The following FSTL5 variants were observed in gnomAD, a reference collection of about 807,000 sequenced individuals.
FSTL5 encodes follistatin like 5.
Under a neutral mutation model 89.1 loss-of-function variants are expected in FSTL5, and 62 were observed. That is an observed-to-expected ratio of 0.70 (90% confidence interval 0.57 to 0.86). FSTL5 has a LOEUF of 0.86. Ranked by LOEUF, FSTL5 falls within the 40% of genes least tolerant of loss-of-function variation. The pLI is 0.00. For synonymous variants in FSTL5, 383 were observed against 346.2 expected (o/e 1.11, Z -1.18); for missense variants, 1,057 against 1,001.6 (o/e 1.06, Z -0.75).
intron 2 of FSTL5, among the ~76,000 whole-genome samples, chr4:162,071,095 A>T (rs1409930330): frequency 6.6e-6 from 1 of 151,832 alleles, no homozygotes; most frequent in Non-Finnish European, 1.5e-5. Context: ...ACAACCAGAA[A>T]ACAATTAACA....
rs531428180 is a variant in FSTL5 at position 161,864,919 on chromosome 4, A to T, written c.409+55485T>A. ...TTAATGGTAGTGAATAATGAGTGCA[A>T]TTCTGACTGTATTATGTTTATAATG... On this transcript the variant is annotated intron_variant, in intron 4 of 15. Coordinates refer to ENST00000306100, the MANE Select transcript of FSTL5 (RefSeq NM_020116.5). 5.9e-5 allele frequency among the ~76,000 whole-genome samples: 9 copies of T among 151,268 alleles called. No individual in the cohort carries two copies. The South Asian group carries it at 1.7e-3, about 28-fold the overall frequency.
At chr4:161,850,079 G>A (rs1336001169) in intron 4 of FSTL5, among the ~76,000 whole-genome samples, 2 of 152,080 alleles carry the variant, frequency 1.3e-5, no homozygotes, top group Admixed American at 1.3e-4. Context: ...TACCCTTTGA[G>A]GCCTGGGGAA....
At chr4:161,812,700 C>G (rs767458346) in intron 4 of FSTL5, among the ~76,000 whole-genome samples, 30 of 151,842 alleles carry the variant, frequency 2.0e-4, no homozygotes, top group Non-Finnish European at 3.4e-4. Flanking sequence ...AAGGTGAATG[C>G]CAGTTTAGGA....
At chr4:161,725,441 C>A (rs1296426760) in intron 6 of FSTL5, among the ~76,000 whole-genome samples, 2 of 151,184 alleles carry the variant, frequency 1.3e-5, no homozygotes, top group Non-Finnish European at 2.9e-5. Flanking sequence ...ATAGTTAAAT[C>A]CAAATATAGA....
intron 15 of FSTL5, among the ~76,000 whole-genome samples, chr4:161,421,544 G>C (rs1320302647): frequency 1.3e-5 from 2 of 152,172 alleles, no homozygotes; most frequent in Non-Finnish European, 2.9e-5. Flanking sequence ...AAGTTGAAAA[G>C]GAGTGGACCT....
chr4:161,949,638 A>G (rs1177514375), intron 3 of FSTL5, among the ~76,000 whole-genome samples: 2 of 148,892 alleles, frequency 1.3e-5, no homozygotes, highest in Admixed American at 6.6e-5. Flanking sequence ...TGCAGATTTC[A>G]AACGTATTGT....
At chr4:162,070,219 T>C (rs990849865) in intron 2 of FSTL5, among the ~76,000 whole-genome samples, 6 of 151,918 alleles carry the variant, frequency 3.9e-5, no homozygotes, top group African/African-American at 1.4e-4. Context: ...TTGTTTGTTG[T>C]TTCTGTTAGA....
At chr4:161,908,954 C>G (rs1422458829) in intron 4 of FSTL5, among the ~76,000 whole-genome samples, 2 of 152,026 alleles carry the variant, frequency 1.3e-5, no homozygotes, top group African/African-American at 4.8e-5. Flanking sequence ...TGTCCTATGC[C>G]TACTTCAGTG....
chr4:161,440,322 A>C (rs1308371423), intron 15 of FSTL5, among the ~76,000 whole-genome samples: 3 of 152,004 alleles, frequency 2.0e-5, no homozygotes, highest in African/African-American at 7.2e-5. Flanking sequence ...ACTGTGTCCA[A>C]ACTTTTGGCT....
intron 2 of FSTL5, among the ~76,000 whole-genome samples, chr4:162,062,101 A>T (rs1738735823): frequency 6.6e-6 from 1 of 151,788 alleles, no homozygotes; most frequent in African/African-American, 2.4e-5. Context: ...CATGATGTCG[A>T]AATTTATATA....
chr4:161,986,389 A>C (rs1735964212), intron 3 of FSTL5, among the ~76,000 whole-genome samples: 1 of 152,152 alleles, frequency 6.6e-6, no homozygotes, highest in Non-Finnish European at 1.5e-5. Context: ...GTCTCTACTA[A>C]AAATATAAAA....
At chr4:162,086,414 G>A (rs899683379) in intron 2 of FSTL5, among the ~76,000 whole-genome samples, 5 of 148,922 alleles carry the variant, frequency 3.4e-5, no homozygotes, top group African/African-American at 2.5e-5. Context: ...TTATTTTCTC[G>A]ATTATGTCTT....
At chr4:161,573,733 C>CAAAAAAAAAAA (rs70937664) in intron 8 of FSTL5, among the ~76,000 whole-genome samples, 19 of 50,624 alleles carry the variant, frequency 3.8e-4, no homozygotes, top group African/African-American at 7.6e-4. Context: ...AACTCCAGCT[C>CAAAAAAAAAAA]AAAAAAAAAA....
chr4:161,966,684 A>G (rs1004312119), intron 3 of FSTL5, among the ~76,000 whole-genome samples: 6 of 152,138 alleles, frequency 3.9e-5, no homozygotes, highest in Non-Finnish European at 5.9e-5. Flanking sequence ...GGTCTGAAAC[A>G]GACCCTTCTC....
intron 6 of FSTL5, among the ~76,000 whole-genome samples, chr4:161,680,156 T>C (rs1369277606): frequency 6.6e-6 from 1 of 151,900 alleles, no homozygotes; most frequent in East Asian, 1.9e-4. Context: ...TAGAAGAAAA[T>C]AATATGCTAA....
At chr4:161,952,562 G>T (rs1026552567) in intron 3 of FSTL5, among the ~76,000 whole-genome samples, 15 of 151,898 alleles carry the variant, frequency 9.9e-5, no homozygotes, top group African/African-American at 2.9e-4. Flanking sequence ...AAGAAATCAT[G>T]TCTTATTTGG....
intron 4 of FSTL5, among the ~76,000 whole-genome samples, chr4:161,790,054 T>G (rs1729406464): frequency 6.6e-6 from 1 of 152,198 alleles, no homozygotes; most frequent in South Asian, 2.1e-4. Flanking sequence ...GTTATTATTT[T>G]TATTATTGCA....
At chr4:162,081,818 TCA>T (rs1553997811) in intron 2 of FSTL5, among the ~76,000 whole-genome samples, 3 of 133,370 alleles carry the variant, frequency 2.2e-5, no homozygotes, top group African/African-American at 8.1e-5. Flanking sequence ...TCTCTCTCTC[TCA>T]CACACACACA....
intron 4 of FSTL5, among the ~76,000 whole-genome samples, chr4:161,865,811 T>C (rs1386722680): frequency 6.6e-6 from 1 of 152,208 alleles, no homozygotes; most frequent in Non-Finnish European, 1.5e-5. Flanking sequence ...TAATTTTCTT[T>C]GCTGCCATTG....
Sources: allele counts gnomAD v4.1 joint callset (sites outside exome capture counted in the v4.1 genomes callset), GRCh38; gene constraint gnomAD v4.1.1; transcripts MANE v1.5; gene names NCBI Gene and HGNC (gene_info 2026-07-23, HGNC 2026-07-21).